Variants in CRYBG1 observed in about 807,000 individuals in gnomAD.
The protein encoded by CRYBG1 is beta/gamma crystallin domain-containing protein 1.
Under a neutral mutation model 189.2 loss-of-function variants are expected in CRYBG1, and 139 were observed. The observed-to-expected ratio is 0.73, with a 90% confidence interval of 0.64 to 0.85. CRYBG1 has a LOEUF of 0.85. Among genes scored for constraint, CRYBG1 ranks in the 40% least tolerant of loss-of-function variants. The probability of loss-of-function intolerance (pLI) is 0.00; values close to 1 mark genes in which losing one functional copy is unlikely to be tolerated. For synonymous variants in CRYBG1, 1,023 were observed against 1,017.1 expected (o/e 1.01, Z -0.11); for missense variants, 2,611 against 2,675.8 (o/e 0.98, Z 0.53).
chr6:106,518,974 C>CGCGT (rs1773508786), intron 3 of CRYBG1, among the ~76,000 whole-genome samples, 157 bp from the exon 4 acceptor site: 2 of 67,586 alleles, frequency 3.0e-5, no homozygotes, highest in African/African-American at 1.2e-4. Context: ...CACATGTGTG[C>CGCGT]GCACACACAC....
chr6:106,368,790 A>C (rs1017884847), intron 1 of CRYBG1, among the ~76,000 whole-genome samples: 1 of 152,142 alleles, frequency 6.6e-6, no homozygotes, highest in African/African-American at 2.4e-5. Flanking sequence ...AGTATACAGT[A>C]TATACTATAG....
intron 3 of CRYBG1, among the ~76,000 whole-genome samples, chr6:106,516,868 C>A (rs12207423): frequency 0.039 from 5,874 of 152,098 alleles, 158 homozygotes; most frequent in Non-Finnish European, 0.057. Context: ...ACTTCCTCAG[C>A]CAAAAATAGA....
At chr6:106,510,748 A>G (rs939931516) in intron 2 of CRYBG1, among the ~76,000 whole-genome samples, 2 of 152,234 alleles carry the variant, frequency 1.3e-5, no homozygotes, top group Non-Finnish European at 2.9e-5. Flanking sequence ...AGGAACTCCC[A>G]CAGGCAAAAG....
intron 17 of CRYBG1, among the ~76,000 whole-genome samples, chr6:106,557,341 AG>A (rs550909684): frequency 2.6e-5 from 4 of 152,308 alleles, no homozygotes; most frequent in South Asian, 4.1e-4. Flanking sequence ...TGAAGCAGTA[AG>A]GTACCGCACC....
At chr6:106,550,176 C>T (rs1377231761) in intron 13 of CRYBG1, among the ~76,000 whole-genome samples, 1 of 152,172 alleles carries the variant, frequency 6.6e-6, no homozygotes, top group African/African-American at 2.4e-5. Context: ...TAGTGCCAGT[C>T]TAGTTCCTGG....
At chr6:106,425,739 C>T (rs1771213084) in intron 1 of CRYBG1, among the ~76,000 whole-genome samples, 1 of 152,194 alleles carries the variant, frequency 6.6e-6, no homozygotes, top group African/African-American at 2.4e-5. Context: ...TCAAGCAATT[C>T]TCCTGCCTCA....
intron 1 of CRYBG1, among the ~76,000 whole-genome samples, chr6:106,402,006 GACAA>G (rs1457174971): frequency 1.4e-5 from 2 of 147,348 alleles, no homozygotes; most frequent in African/African-American, 2.5e-5. Flanking sequence ...ACCAACAACA[GACAA>G]ACAGAGAGCC....
intron 2 of CRYBG1, among the ~76,000 whole-genome samples, chr6:106,498,272 C>T (rs1772899954): frequency 6.6e-6 from 1 of 152,088 alleles, no homozygotes; most frequent in East Asian, 1.9e-4. Flanking sequence ...CAAATAATGA[C>T]TAATTATAAA....
At chr6:106,438,281 C>T (rs1771500901) in intron 1 of CRYBG1, among the ~76,000 whole-genome samples, 1 of 152,202 alleles carries the variant, frequency 6.6e-6, no homozygotes, top group African/African-American at 2.4e-5. Context: ...TTGCCCTCTC[C>T]TCAAGCTGTC....
intron 1 of CRYBG1, among the ~76,000 whole-genome samples, chr6:106,400,711 G>A (rs1038559096): frequency 6.6e-6 from 1 of 152,078 alleles, no homozygotes; most frequent in Non-Finnish European, 1.5e-5. Flanking sequence ...CTGCCTACTT[G>A]GACCTCATAA....
At chr6:106,365,396 C>T (rs1477017069) in intron 1 of CRYBG1, among the ~76,000 whole-genome samples, 2 of 149,132 alleles carry the variant, frequency 1.3e-5, no homozygotes, top group Non-Finnish European at 3.0e-5. Flanking sequence ...CATTGCACCC[C>T]AGACTGGGTG....
At chr6:106,393,112 A>G (rs1158353669) in intron 1 of CRYBG1, among the ~76,000 whole-genome samples, 1 of 152,184 alleles carries the variant, frequency 6.6e-6, no homozygotes, top group African/African-American at 2.4e-5. Context: ...AAATCTCTGT[A>G]CTAGAATTTT....
At chr6:106,453,858 GGCGGAGGCTTGAAGCC>G (rs1771832111) in intron 2 of CRYBG1, among the ~76,000 whole-genome samples, 1 of 152,222 alleles carries the variant, frequency 6.6e-6, no homozygotes, top group Non-Finnish European at 1.5e-5. Context: ...ACCTGGGAGA[GGCGGAGGCTTGAAGCC>G]GCAGATGAAC....
chr6:106,476,159 T>C (rs1772330621), intron 2 of CRYBG1, among the ~76,000 whole-genome samples: 1 of 152,238 alleles, frequency 6.6e-6, no homozygotes, highest in South Asian at 2.1e-4. Context: ...ACCTGTGGAA[T>C]ATAATTATCT....
At chr6:106,369,867 C>G (rs1261004873) in intron 1 of CRYBG1, among the ~76,000 whole-genome samples, 1 of 152,148 alleles carries the variant, frequency 6.6e-6, no homozygotes, top group Non-Finnish European at 1.5e-5. Flanking sequence ...AAATCAGGCA[C>G]AGAGGGGTAT....
intron 1 of CRYBG1, among the ~76,000 whole-genome samples, chr6:106,418,038 G>T (rs1358798233): frequency 6.6e-6 from 1 of 152,248 alleles, no homozygotes; most frequent in East Asian, 1.9e-4. Flanking sequence ...GCACTCAGTG[G>T]GTCCTGAGCT....
intron 3 of CRYBG1, among the ~76,000 whole-genome samples, chr6:106,516,433 C>T (rs1325996778): frequency 6.6e-6 from 1 of 151,848 alleles, no homozygotes; most frequent in African/African-American, 2.4e-5. Context: ...AGGGTTTCAC[C>T]ATGTTGGCCA....
intron 21 of CRYBG1, among the ~76,000 whole-genome samples, chr6:106,564,166 A>G (rs1478990894): frequency 6.6e-6 from 1 of 151,934 alleles, no homozygotes; most frequent in African/African-American, 2.4e-5. Flanking sequence ...TTTTACAGAC[A>G]AAACAACAAC....
chr6:106,421,961 G>A lies in CRYBG1; in HGVS notation c.174-29733G>A, dbSNP rs187783534. Among the ~76,000 whole-genome samples, 22 of 117,462 alleles carry A rather than the reference G, an allele frequency of 1.9e-4. No individual in the cohort carries two copies. The East Asian group carries it at 6.2e-3, about 33-fold the overall frequency. 77.1% of individuals were successfully genotyped at this position (117,462 alleles called of 152,430 possible). A position where few individuals can be genotyped will look rare whatever the true frequency, so the allele number is the denominator to read the frequency against. On this transcript the variant is annotated intron_variant, in intron 1 of 21. Coordinates refer to ENST00000633556, the MANE Select transcript of CRYBG1 (RefSeq NM_001371242.2). ...TTTCCTGAGACCCATTCACTATCAT[G>A]AGAACAGCATGGGAAAGACCCACCT...
Sources: allele counts gnomAD v4.1 joint callset (sites outside exome capture counted in the v4.1 genomes callset), GRCh38; gene constraint gnomAD v4.1.1; transcripts MANE v1.5; gene names NCBI Gene and HGNC (gene_info 2026-07-23, HGNC 2026-07-21).